Variants in ALDH1A1 observed in about 807,000 individuals in gnomAD.
ALDH1A1 encodes the protein aldehyde dehydrogenase 1A1.
A neutral mutation model predicts 62.1 loss-of-function variants in ALDH1A1; 19 were observed. That is an observed-to-expected ratio of 0.31 (90% CI 0.21 to 0.45). The LOEUF (loss-of-function observed/expected upper bound fraction) is 0.45. Among genes scored for constraint, ALDH1A1 ranks in the 20% least tolerant of loss-of-function variants. ALDH1A1 has a pLI of 1.00. For missense variants in ALDH1A1, 521 were observed against 607.1 expected (o/e 0.86, Z 1.49); for synonymous variants, 231 against 215.9 (o/e 1.07, Z -0.61).
chr9:72,907,416 A>G (rs866623330), intron 11 of ALDH1A1, among the ~76,000 whole-genome samples: 1 of 152,172 alleles, frequency 6.6e-6, no homozygotes. Context: ...TCTGTTTTTC[A>G]TAATAGAGGA....
intron 1 of ALDH1A1, among the ~76,000 whole-genome samples, chr9:72,952,540 C>T (rs2118591408): frequency 6.6e-6 from 1 of 152,024 alleles, no homozygotes; most frequent in East Asian, 1.9e-4. Flanking sequence ...CTCTCTTTCT[C>T]CTTGTTTGCT....
Position 72,952,983 on chromosome 9 carries a change from C to T in ALDH1A1, c.18G>A (p.Thr6=), listed in dbSNP as rs374327576. ...CGGTGAGTAGGACAGGTAAGTCTGG[C>T]GTGCCTGAGGATGACATTTCTGATT... MSSSG[T]PDLPVLLTDL... The change falls in exon 1 of 13, where the codon ACG becomes ACA. Residue 6 remains threonine (T), a synonymous_variant. Coordinates refer to ENST00000297785, the MANE Select transcript of ALDH1A1 (RefSeq NM_000689.5). The T allele has an allele frequency of 1.5e-5, 24 of 1,612,962 alleles. No individual in the cohort carries two copies. The highest frequency in any genetic ancestry group is 5.3e-5 in the African/African-American group (4 of 74,798).
chr9:72,913,584 A>G (rs1830019060), intron 9 of ALDH1A1, among the ~76,000 whole-genome samples: 1 of 152,176 alleles, frequency 6.6e-6, no homozygotes, highest in Non-Finnish European at 1.5e-5. Context: ...TTCAAGATGT[A>G]TTTCCCAAGT....
Position 72,911,947 on chromosome 9 carries a change from A to G in ALDH1A1, c.1200+11T>C. The G allele has an allele frequency of 6.2e-7, 1 of 1,613,832 alleles. No homozygotes were observed. The highest frequency in any genetic ancestry group is 8.5e-7 in the Non-Finnish European group (1 of 1,179,782). On this transcript the variant is annotated intron_variant, in intron 10 of 12. Coordinates refer to ENST00000297785, the MANE Select transcript of ALDH1A1 (RefSeq NM_000689.5). ...GCAACAAAAAGAACAGAACAGAATG[A>G]AGCCATTTACCTCCTCTTTGGCAAT...
At chr9:72,943,753 A>G (rs1019632728) in intron 1 of ALDH1A1, among the ~76,000 whole-genome samples, 4 of 152,126 alleles carry the variant, frequency 2.6e-5, no homozygotes, top group Non-Finnish European at 5.9e-5. Context: ...AAAATGAGAG[A>G]TGAGTTAGCC....
intron 9 of ALDH1A1, among the ~76,000 whole-genome samples, chr9:72,915,821 A>G (rs1416257287): frequency 6.6e-6 from 1 of 152,172 alleles, no homozygotes; most frequent in Non-Finnish European, 1.5e-5. Flanking sequence ...CCAGGTACCC[A>G]TCTCAAGTTT....
chr9:72,935,565 A>G (rs1302316131), intron 2 of ALDH1A1, among the ~76,000 whole-genome samples: 1 of 152,232 alleles, frequency 6.6e-6, no homozygotes, highest in Non-Finnish European at 1.5e-5. Flanking sequence ...ACGGACATTT[A>G]CTTTTATCCC....
At chr9:72,940,078 G>C (rs1015370098) in intron 2 of ALDH1A1, 70 bp downstream of exon 2, 1 of 1,168,814 alleles carries the variant, frequency 8.6e-7, no homozygotes, top group African/African-American at 1.5e-5. Flanking sequence ...TTGCAATGGG[G>C]TTCAGGAGCT....
At chr9:72,904,098 G>A (rs1047649628) in intron 12 of ALDH1A1, among the ~76,000 whole-genome samples, 1 of 152,086 alleles carries the variant, frequency 6.6e-6, no homozygotes, top group Non-Finnish European at 1.5e-5. Context: ...TAAGAGGAAT[G>A]TGAACATCTC....
At chr9:72,945,899 A>G (rs77432153) in intron 1 of ALDH1A1, among the ~76,000 whole-genome samples, 1,599 of 152,128 alleles carry the variant, frequency 0.011, 20 homozygotes, top group African/African-American at 0.036. Context: ...CGAAAACAAA[A>G]AATAGGAGAA....
chr9:72,919,578 T>C (rs1287944276), intron 7 of ALDH1A1, among the ~76,000 whole-genome samples: 1 of 152,260 alleles, frequency 6.6e-6, no homozygotes, highest in African/African-American at 2.4e-5. Flanking sequence ...ATTATTTGTA[T>C]AGAAATACAT....
chr9:72,916,234 C>T (rs970513266), intron 9 of ALDH1A1, among the ~76,000 whole-genome samples: 5 of 152,036 alleles, frequency 3.3e-5, no homozygotes, highest in Non-Finnish European at 2.9e-5. Flanking sequence ...TAGAACAAGA[C>T]CCAAAGGGCA....
At chr9:72,942,467 G>A (rs1279574708) in intron 1 of ALDH1A1, 2 of 754,530 alleles carry the variant, frequency 2.7e-6, no homozygotes, top group Non-Finnish European at 3.2e-6. Context: ...TTCTATACAA[G>A]TATAAAAAAG....
chr9:72,936,917 C>G (rs1290519291), intron 2 of ALDH1A1, among the ~76,000 whole-genome samples: 2 of 152,194 alleles, frequency 1.3e-5, no homozygotes, highest in South Asian at 2.1e-4. Context: ...CCTTCCCAAC[C>G]AACAACATCA....
intron 3 of ALDH1A1, 137 bp downstream of exon 3, chr9:72,930,742 A>G: frequency 1.1e-6 from 1 of 948,424 alleles, no homozygotes; most frequent in South Asian, 1.7e-5. Context: ...TAAGGGGCCT[A>G]TTCATTGGGA....
At position 72,904,232 on chromosome 9, in the gene ALDH1A1, C is replaced by T. The variant is rs150264444; in HGVS notation, c.1433+1726G>A. On this transcript the variant is annotated intron_variant, in intron 12 of 12. Coordinates refer to ENST00000297785, the MANE Select transcript of ALDH1A1 (RefSeq NM_000689.5). ...GACTCCAGTAATGTTTTCTCAGCTACGCCATGCATTTTTGATGGGCTAACT... is the reference window on the plus strand; with the variant it reads ...GACTCCAGTAATGTTTTCTCAGCTATGCCATGCATTTTTGATGGGCTAACT... Among the ~76,000 whole-genome samples the T allele has an allele frequency of 5.8e-4, 88 of 152,192 alleles. No individual in the cohort carries two copies. In the East Asian group the frequency reaches 0.016, roughly 28 times the overall value.
At chr9:72,952,367 A>C (rs929551994) in intron 1 of ALDH1A1, among the ~76,000 whole-genome samples, 1 of 152,018 alleles carries the variant, frequency 6.6e-6, no homozygotes, top group African/African-American at 2.4e-5. Flanking sequence ...CTCCAATGGC[A>C]ACAAACTTGG....
intron 2 of ALDH1A1, among the ~76,000 whole-genome samples, chr9:72,938,831 C>A (rs1242523831): frequency 6.6e-6 from 1 of 151,906 alleles, no homozygotes; most frequent in African/African-American, 2.4e-5. Flanking sequence ...CAACCTCTGA[C>A]CCCCGGGTTC....
At chr9:72,910,986 A>ACAAT (rs1421376427) in intron 10 of ALDH1A1, among the ~76,000 whole-genome samples, 1 of 152,198 alleles carries the variant, frequency 6.6e-6, no homozygotes, top group Non-Finnish European at 1.5e-5. Context: ...TTATAGGAAC[A>ACAAT]CAATAAATGT....
Sources: allele counts gnomAD v4.1 joint callset (sites outside exome capture counted in the v4.1 genomes callset), GRCh38; gene constraint gnomAD v4.1.1; transcripts MANE v1.5; gene names NCBI Gene and HGNC (gene_info 2026-07-23, HGNC 2026-07-21).